Variants in MUC5B observed in about 807,000 individuals in gnomAD.
The protein encoded by MUC5B is mucin-5B.
In MUC5B, 116 loss-of-function variants were observed where a neutral mutation model predicts 376.9. The ratio of observed to expected loss-of-function variants is 0.31; its 90% CI spans 0.26 to 0.36. The LOEUF is 0.36. MUC5B is among the 10% of genes least tolerant of loss of function. MUC5B has a pLI of 1.00. For synonymous variants in MUC5B, 3,517 were observed against 3,390.9 expected, an observed-to-expected ratio of 1.04 and a Z score of -1.29; for missense variants, 7,165 against 7,769.9, an observed-to-expected ratio of 0.92 and a Z score of 2.93.
chr11:1,236,490 CG>C lies in MUC5B; in HGVS notation c.2986del (p.Glu996ArgfsTer115). 1 of 1,613,138 alleles carries C rather than the reference CG, an allele frequency of 6.2e-7. No homozygotes were observed. The highest frequency in any genetic ancestry group is 8.5e-7 in the Non-Finnish European group (1 of 1,179,836). On this transcript the variant is annotated frameshift_variant, in exon 24 of 49. Transcript: ENST00000529681. LOFTEE classifies it high-confidence loss of function. The part of the protein sequence containing the change: ...IRYMGIFLVI[E>X]THGMAVSWDR... ...GCTACATGGGGATCTTCCTGGTCAT[CG>C]AGACCCACGGGATGGCCGTGTCCTG...
rs1041787975 is a variant in MUC5B, at chr11:1,258,726, C to A, written c.16594-216C>A. Among the ~76,000 whole-genome samples the A allele has an allele frequency of 6.6e-6, 1 of 152,036 alleles. No individual in the cohort carries two copies. The highest frequency in any genetic ancestry group is 1.5e-5 in the Non-Finnish European group (1 of 67,992). On this transcript the variant is annotated intron_variant, in intron 43 of 48. Coordinates refer to ENST00000529681, the MANE Select transcript of MUC5B (RefSeq NM_002458.3). The surrounding 1 kb of genome is among the most constrained non-coding windows in gnomAD (Gnocchi z 5.5). ...GGGTCTCTGCCCACCCAGATTCCTG[C>A]CCACATGGGGTCTCTGCCTGCCCAG...
intron 31 of MUC5B, 110 bp downstream of exon 31, chr11:1,251,853 C>T: frequency 1.2e-6 from 1 of 826,460 alleles, no homozygotes; most frequent in South Asian, 1.8e-5. Context: ...ATGTTTGTTC[C>T]CCACTGGCCT....
chr11:1,240,284 C>A lies in MUC5B; in HGVS notation c.3879C>A (p.Gly1293=). The change falls in exon 30 of 49, where the codon GGC becomes GGA. Residue 1293 remains glycine, a synonymous_variant. Coordinates refer to ENST00000529681, the MANE Select transcript of MUC5B (RefSeq NM_002458.3). ...TGATCGCCATCTGCGGAAGCAACGG[C>A]ACCATCATCAGGAAGGCTGTGGCAT... ...ACLIAICGSN[G]TIIRKAVACP... is the part of the protein sequence containing the mutation. 5 of 1,613,728 alleles carry A rather than the reference C, an allele frequency of 3.1e-6. No individual in the cohort carries two copies. The highest frequency in any genetic ancestry group is 4.2e-6 in the Non-Finnish European group (5 of 1,179,722).
rs758783370 is a variant in MUC5B, at chr11:1,244,435, G to A, written c.7555G>A (p.Ala2519Thr). ...KATPFSSPGTATALPALRSTA... is the reference protein window; with the variant it reads ...KATPFSSPGTTTALPALRSTA... ...CACTCCCTTCTCCAGTCCAGGGACT[G>A]CAACCGCCCTTCCAGCACTGAGAAG... is the stretch of plus-strand genomic sequence containing the variant. Residue 2519 changes from alanine (A) to threonine (T), a missense_variant, in exon 31 of 49, where the codon GCA becomes ACA. This residue lies in a region of MUC5B where 194 missense variants were observed against 268.5 expected (regional missense o/e 0.72). Transcript: ENST00000529681. 1.9e-6 allele frequency: 3 copies of A among 1,605,592 alleles called. No individual in the cohort carries two copies. The highest frequency in any genetic ancestry group is 2.2e-5 in the South Asian group (2 of 90,758).
rs1862112933 is a variant in MUC5B, at chr11:1,234,567, G to A, written c.2517G>A (p.Pro839=). ...GCGTGTCCGGCTGTGTCTGTCCCCC[G>A]GGGCTGGTGTCGGATGGGAGTGGGG... is the stretch of plus-strand genomic sequence containing the variant. ...THCVSGCVCP[P]GLVSDGSGGC... is the part of the protein sequence containing the mutation. The change falls in exon 21 of 49, where the codon CCG becomes CCA. Residue 839 remains proline, a synonymous_variant. Transcript: ENST00000529681. The surrounding 1 kb of genome is among the most constrained non-coding windows in gnomAD (Gnocchi z 6.3). The A allele has an allele frequency of 2.5e-6, 4 of 1,581,728 alleles. No individual in the cohort carries two copies. The highest frequency in any genetic ancestry group is 3.4e-6 in the Non-Finnish European group (4 of 1,164,680).
rs1862566483 is a variant in MUC5B, at chr11:1,248,569, C to T, written c.11689C>T (p.Pro3897Ser). 2.5e-6 allele frequency: 4 copies of T among 1,613,034 alleles called. No homozygotes were observed. Among genetic ancestry groups the T allele is most frequent in the South Asian group, 2.2e-5 (2 of 91,046 alleles). The change falls in exon 31 of 49, where the codon CCC (proline) becomes TCC (serine). Residue 3897 changes from proline (P) to serine (S), a missense_variant. Transcript: ENST00000529681. ...PPVWISTTTT[P>S]TTSGSTVTPS... The stretch of plus-strand genomic sequence containing the variant: ...AGTGTGGATCAGCACAACCACCACA[C>T]CCACAACCAGTGGCTCCACGGTGAC...
Position 1,254,216 on chromosome 11 carries a change from C to T in MUC5B, c.15342C>T (p.Leu5114=), listed in dbSNP as rs1862773549. Residue 5114 remains leucine (L), a synonymous_variant, in exon 34 of 49, where the codon CTC becomes CTT. Coordinates refer to ENST00000529681, the MANE Select transcript of MUC5B (RefSeq NM_002458.3). ...ATGCACGCTTTGGGAATCTCAGCCT[C>T]TACCTGGACAACCACTACTGCACGG... is the stretch of plus-strand genomic sequence containing the variant. ...EIHARFGNLS[L]YLDNHYCTAS... The T allele has an allele frequency of 1.2e-6, 2 of 1,612,778 alleles. No individual in the cohort carries two copies. Among genetic ancestry groups the T allele is most frequent in the African/African-American group, 2.7e-5 (2 of 75,064 alleles).
chr11:1,235,009 C>T (rs1862123161), intron 21 of MUC5B, 76 bp from the exon 22 acceptor site: 32 of 1,525,992 alleles, frequency 2.1e-5, no homozygotes, highest in Non-Finnish European at 2.7e-5. Context: ...CTGACCTGCA[C>T]AGGCCTGGGT....
rs1256878620 is a variant in MUC5B at position 1,242,652 on chromosome 11, C to A, written c.5772C>A (p.Ala1924=). The A allele has an allele frequency of 1.8e-5, 29 of 1,613,638 alleles. No homozygotes were observed. The highest frequency in any genetic ancestry group is 2.3e-5 in the Non-Finnish European group (27 of 1,179,790). Residue 1924 remains alanine (A), a synonymous_variant, in exon 31 of 49, where the codon GCC becomes GCA. Coordinates refer to ENST00000529681, the MANE Select transcript of MUC5B (RefSeq NM_002458.3). ...CGACTGCGTCCACTGGATCCACGGC[C>A]ACCCCGACCTCCACCCTGAGAACAG... ...ATTTASTGST[A]TPTSTLRTAP... is the part of the protein sequence containing the mutation.
Position 1,251,118 on chromosome 11 carries a change from A to G in MUC5B, c.14238A>G (p.Thr4746=). 1 of 1,610,880 alleles carries G rather than the reference A, an allele frequency of 6.2e-7. No individual in the cohort carries two copies. Among genetic ancestry groups the G allele is most frequent in the Non-Finnish European group, 8.5e-7 (1 of 1,178,144 alleles). Residue 4746 remains threonine, a synonymous_variant, in exon 31 of 49, where the codon ACA becomes ACG. Transcript: ENST00000529681. ...TGACAAGCACAGCCACAAAATCCAC[A>G]GCTACCAGCTTTACACCCATCCCCT... ...PVLTSTATKS[T]ATSFTPIPSS...
At chr11:1,254,991 T>C in intron 35 of MUC5B, 50 bp from the exon 36 acceptor site, 1 of 1,457,074 alleles carries the variant, frequency 6.9e-7, no homozygotes, top group Non-Finnish European at 9.4e-7. Context: ...GGGTGGGGGC[T>C]GTGAAAGGCT....
In MUC5B at chr11:1,260,351, G is replaced by T. The variant is rs1269102883; in HGVS notation, c.16924G>T (p.Gly5642Trp). The T allele has an allele frequency of 6.2e-7, 1 of 1,612,460 alleles. No individual in the cohort carries two copies. Among genetic ancestry groups the T allele is most frequent in the Admixed American group, 1.7e-5 (1 of 60,014 alleles). ...ASCPDVSSCR[G>W]SLRKTGCCYS... ...GCCCCCTGTCTTTGGCCCCCACCAGGGGAGCCTCAGGAAAACCGGCTGCTG... is the reference window on the plus strand; with the variant it reads ...GCCCCCTGTCTTTGGCCCCCACCAGTGGAGCCTCAGGAAAACCGGCTGCTG... The change falls in exon 47 of 49, where the codon GGG becomes TGG. Residue 5642 changes from glycine (G) to tryptophan (W), a missense_variant and splice_region_variant. Physicochemically the swap from Gly to Trp is radical, Grantham distance 184 (BLOSUM62 -2). Around this residue, in one of 31 missense-constraint regions of MUC5B, gnomAD observed 842 missense variants for 1,016.9 expected, o/e 0.83. Coordinates refer to ENST00000529681, the MANE Select transcript of MUC5B (RefSeq NM_002458.3).
In MUC5B at chr11:1,236,874, G is replaced by A. The variant is rs981851081; in HGVS notation, c.3058-51G>A. On this transcript the variant is annotated intron_variant, in intron 24 of 48. Coordinates refer to ENST00000529681, the MANE Select transcript of MUC5B (RefSeq NM_002458.3). ...GGGTGGGCTCTGTGCTGCCTCCCAC[G>A]GGTGCCTGTGGCCCCAGCTCCAGGG... The A allele has an allele frequency of 9.3e-6, 13 of 1,394,614 alleles. No homozygotes were observed. In the African/African-American group the frequency reaches 1.3e-4, roughly 14 times the overall value. The allele number at this position is 1,394,614 out of a possible 1,614,324, so 86.4% of individuals were successfully genotyped here. A position where few individuals can be genotyped will look rare whatever the true frequency, so the allele number is the denominator to read the frequency against.
chr11:1,253,093 TGGTGGGGCA>T lies in MUC5B; in HGVS notation c.15217+114_15217+122del. 4 of 317,702 alleles carry T rather than the reference TGGTGGGGCA, an allele frequency of 1.3e-5. No homozygotes were observed. The highest frequency in any genetic ancestry group is 1.8e-5 in the Non-Finnish European group (4 of 224,644). 19.7% of individuals were successfully genotyped at this position (317,702 alleles called of 1,614,324 possible). A position where few individuals can be genotyped will look rare whatever the true frequency, so the allele number is the denominator to read the frequency against. ...GGGCACAGTGGGGTGCAGTGGGGAATGGTGGGGCATGGTGGGGCATGGTGGGGTGCAGTG... is the reference window on the plus strand; with the variant it reads ...GGGCACAGTGGGGTGCAGTGGGGAATTGGTGGGGCATGGTGGGGTGCAGTG... On this transcript the variant is annotated intron_variant, in intron 33 of 48. Coordinates refer to ENST00000529681, the MANE Select transcript of MUC5B (RefSeq NM_002458.3). The surrounding 1 kb of genome is among the most constrained non-coding windows in gnomAD (Gnocchi z 4.3).
Position 1,232,171 on chromosome 11 carries a change from C to T in MUC5B, c.1843+11C>T, listed in dbSNP as rs12421917. On this transcript the variant is annotated intron_variant, in intron 15 of 48. Transcript: ENST00000529681. ...TCAGTGTGGAGAATGGTACTCCTCG[C>T]CCCCACCCCCACAGTCACCCCAGGC... is the stretch of plus-strand genomic sequence containing the variant. 6.3e-7 allele frequency: 1 copy of T among 1,576,770 alleles called. No homozygotes were observed. The highest frequency in any genetic ancestry group is 1.2e-5 in the South Asian group (1 of 84,668).
At chr11:1,252,218 C>T (rs1221097669) in intron 31 of MUC5B, 125 bp from the exon 32 acceptor site, 10 of 940,422 alleles carry the variant, frequency 1.1e-5, no homozygotes, top group Non-Finnish European at 1.6e-5. Flanking sequence ...CAGCCTCTGC[C>T]CTCTCCACTC....
In MUC5B at chr11:1,257,279, G is replaced by A; in HGVS notation, c.16269+8G>A. On this transcript the variant is annotated splice_region_variant and intron_variant, in intron 40 of 48. Transcript: ENST00000529681. The surrounding 1 kb of genome is among the most constrained non-coding windows in gnomAD (Gnocchi z 8.9). ...GATGGGTTTCCTAAATTTGTGAGTG[G>A]CTCCACCCCCACCTGCCCTACCCCA... The A allele has an allele frequency of 6.4e-6, 5 of 780,648 alleles. No individual in the cohort carries two copies. Among genetic ancestry groups the A allele is most frequent in the Non-Finnish European group, 1.2e-5 (5 of 418,954 alleles). The allele number at this position is 780,648 out of a possible 1,614,324, so 48.4% of individuals were successfully genotyped here. A position where few individuals can be genotyped will look rare whatever the true frequency, so the allele number is the denominator to read the frequency against.
Position 1,248,008 on chromosome 11 carries a change from G to C in MUC5B, c.11128G>C (p.Ala3710Pro), listed in dbSNP as rs532416611. Residue 3710 changes from alanine to proline, a missense_variant, in exon 31 of 49, where the codon GCC becomes CCC. Around this residue, in one of 31 missense-constraint regions of MUC5B, gnomAD observed 90 missense variants for 71.1 expected, o/e 1.27. Coordinates refer to ENST00000529681, the MANE Select transcript of MUC5B (RefSeq NM_002458.3). ...ATTTESTGSTATPSSTPGTTW... is the reference protein window; with the variant it reads ...ATTTESTGSTPTPSSTPGTTW... ...TACGACTGAGTCCACTGGATCCACG[G>C]CCACCCCGTCCTCCACCCCAGGGAC... The C allele has an allele frequency of 6.2e-7, 1 of 1,609,312 alleles. No homozygotes were observed. Among genetic ancestry groups the C allele is most frequent in the African/African-American group, 1.3e-5 (1 of 74,320 alleles).
Position 1,231,986 on chromosome 11 carries a change from T to G in MUC5B, c.1679-10T>G. On this transcript the variant is annotated splice_polypyrimidine_tract_variant and intron_variant, in intron 14 of 48. Coordinates refer to ENST00000529681, the MANE Select transcript of MUC5B (RefSeq NM_002458.3). ...AGTGGCCGCTGACATCCCCCAACCC[T>G]GGCCCCCAGGCCTGTGTGGGAACTT... is the stretch of plus-strand genomic sequence containing the variant. The G allele has an allele frequency of 6.2e-7, 1 of 1,612,484 alleles. No individual in the cohort carries two copies. Among genetic ancestry groups the G allele is most frequent in the South Asian group, 1.1e-5 (1 of 91,078 alleles).
Sources: allele counts gnomAD v4.1 joint callset (sites outside exome capture counted in the v4.1 genomes callset), GRCh38; gene constraint gnomAD v4.1.1; regional missense constraint gnomAD v4.1.1; non-coding constraint Gnocchi (gnomAD v3.1); transcripts MANE v1.5; gene names NCBI Gene and HGNC (gene_info 2026-07-23, HGNC 2026-07-21).